JUP: variants seen among roughly 807,000 people sequenced by gnomAD.
JUP encodes catenin (cadherin-associated protein), gamma 80kDa.
In JUP, 28 loss-of-function variants were observed where a neutral mutation model predicts 71.1. The ratio of observed to expected loss-of-function variants is 0.39; its 90% confidence interval spans 0.29 to 0.54. The LOEUF (loss-of-function observed/expected upper bound fraction) is 0.54. JUP is among the 20% of genes least tolerant of loss of function. JUP has a pLI of 0.62. For missense variants in JUP, 869 were observed against 1,030.1 expected (o/e 0.84, Z 2.14); for synonymous variants, 401 against 438.9 (o/e 0.91, Z 1.08).
intron 2 of JUP, 102 bp from the exon 3 acceptor site, chr17:41,769,779 C>A: frequency 1.5e-6 from 2 of 1,331,126 alleles, no homozygotes; most frequent in East Asian, 4.8e-5. Context: ...CTCTGGGCTA[C>A]CTCTTGCCCT....
chr17:41,757,588 G>T, intron 11 of JUP, 46 bp downstream of exon 11: 1 of 1,614,098 alleles, frequency 6.2e-7, no homozygotes, highest in Non-Finnish European at 8.5e-7. Flanking sequence ...AGCCTCCATC[G>T]TGGCTGGGGG....
rs782622653 is a variant in JUP, at chr17:41,757,431, G to A, written c.2030C>T (p.Pro677Leu). Residue 677 changes from proline (P) to leucine (L), a missense_variant, in exon 12 of 14, where the codon CCG (proline) becomes CTG (leucine). By Grantham distance (98) the Pro-to-Leu change is moderately conservative. Transcript: ENST00000393931. ...ELTNSLFKHD[P>L]AAWEAAQSMI... is the part of the protein sequence containing the mutation. ...GATACTCACAGCCTCCCAGGCAGCC[G>A]GGTCATGCTTGAAGAGGGAGTTGGT... 38 of 1,614,120 alleles carry A rather than the reference G, an allele frequency of 2.4e-5. No individual in the cohort carries two copies. Among genetic ancestry groups the A allele is most frequent in the African/African-American group, 1.7e-4 (13 of 74,946 alleles).
chr17:41,774,703 C>G (rs1597845225), intron 1 of JUP, among the ~76,000 whole-genome samples: 1 of 152,258 alleles, frequency 6.6e-6, no homozygotes, highest in South Asian at 2.1e-4. Flanking sequence ...GTGGTAGGAA[C>G]AGCATCCAGT....
intron 1 of JUP, among the ~76,000 whole-genome samples, chr17:41,784,410 C>G (rs1555611209): frequency 6.6e-6 from 1 of 152,120 alleles, no homozygotes; most frequent in Non-Finnish European, 1.5e-5. Flanking sequence ...TCCCCCGCAT[C>G]CCCCAGTCCA....
chr17:41,767,268 G>T, intron 5 of JUP, 111 bp downstream of exon 5: 2 of 827,148 alleles, frequency 2.4e-6, no homozygotes, highest in African/African-American at 1.7e-5. Flanking sequence ...ATGTATATCT[G>T]CACCTATATC....
rs372145644 is a variant in JUP, at chr17:41,769,043, G to A, written c.633C>T (p.Asn211=). The A allele has an allele frequency of 6.2e-5, 100 of 1,613,082 alleles. 1 individual carries two copies. In the African/African-American group the frequency reaches 1.1e-3, roughly 17 times the overall value. Reference sequence around the variant, plus strand: ...GCAGCCCCTCCCGGTGGTGGGAGAGGTTGTGCAGGATGCTGGTGGTGCAGC... The same window carrying A: ...GCAGCCCCTCCCGGTGGTGGGAGAGATTGTGCAGGATGCTGGTGGTGCAGC... ...TARCTTSILH[N]LSHHREGLLA... Residue 211 remains asparagine, a synonymous_variant, in exon 4 of 14, where the codon AAC becomes AAT. Transcript: ENST00000393931.
At position 41,754,982 on chromosome 17, in the gene JUP, G is replaced by A. The variant is rs1222005316; in HGVS notation, c.*762C>T. 1.7e-5 allele frequency: 4 copies of A among 241,286 alleles called. No individual in the cohort carries two copies. The highest frequency in any genetic ancestry group is 1.8e-4 in the South Asian group (1 of 5,598). 14.9% of individuals were successfully genotyped at this position (241,286 alleles called of 1,614,324 possible). Reference sequence around the variant, plus strand: ...TATCTCCTCCCCATCTCCCCTGGACGGTCCCTGAACTTTTCAAGAGAAGTT... The same window carrying A: ...TATCTCCTCCCCATCTCCCCTGGACAGTCCCTGAACTTTTCAAGAGAAGTT... On this transcript the variant is annotated 3_prime_UTR_variant, in exon 14 of 14. Coordinates refer to ENST00000393931, the MANE Select transcript of JUP (RefSeq NM_002230.4).
In JUP at chr17:41,755,689, G is replaced by A; in HGVS notation, c.*55C>T. On this transcript the variant is annotated 3_prime_UTR_variant, in exon 14 of 14. Coordinates refer to ENST00000393931, the MANE Select transcript of JUP (RefSeq NM_002230.4). ...ATGGGAGGGCCTCCAACAGAAGGAG[G>A]TTCTAGAGAGGAGGAAAAGCCTGCA... is the stretch of plus-strand genomic sequence containing the variant. The A allele has an allele frequency of 6.7e-7, 1 of 1,491,484 alleles. No individual in the cohort carries two copies. Among genetic ancestry groups the A allele is most frequent in the African/African-American group, 1.4e-5 (1 of 71,914 alleles). 92.4% of individuals were successfully genotyped at this position (1,491,484 alleles called of 1,614,324 possible).
intron 5 of JUP, among the ~76,000 whole-genome samples, 200 bp downstream of exon 5, chr17:41,767,177 TGG>T (rs1915867120): frequency 1.3e-5 from 2 of 152,042 alleles, no homozygotes; most frequent in Non-Finnish European, 2.9e-5. Flanking sequence ...ATGACAATAG[TGG>T]CTATATGAGG....
chr17:41,755,035 C>T lies in JUP; in HGVS notation c.*709G>A. On this transcript the variant is annotated 3_prime_UTR_variant, in exon 14 of 14. Transcript: ENST00000393931. Reference sequence around the variant, plus strand: ...GGATTTTGGGGGTTTGGGTCTCGAACCTGGGCCCTGGAGGCCCTGGGGGCT... The same window carrying T: ...GGATTTTGGGGGTTTGGGTCTCGAATCTGGGCCCTGGAGGCCCTGGGGGCT... 2.7e-6 allele frequency: 1 copy of T among 364,268 alleles called. No individual in the cohort carries two copies. Among genetic ancestry groups the T allele is most frequent in the Non-Finnish European group, 4.9e-6 (1 of 204,690 alleles). The allele number at this position is 364,268 out of a possible 1,614,324, so 22.6% of individuals were successfully genotyped here.
chr17:41,769,326 C>T (rs781860817), intron 3 of JUP, 92 bp downstream of exon 3: 190 of 1,565,720 alleles, frequency 1.2e-4, no homozygotes, highest in Non-Finnish European at 1.6e-4. Flanking sequence ...TGGGTCATAA[C>T]CTCCCTCCAC....
chr17:41,775,105 CAAA>C (rs782000280), intron 1 of JUP, among the ~76,000 whole-genome samples: 11 of 126,180 alleles, frequency 8.7e-5, no homozygotes, highest in African/African-American at 1.8e-4. Context: ...GACCCTGTCT[CAAA>C]AAAAAAAAAA....
intron 1 of JUP, among the ~76,000 whole-genome samples, chr17:41,775,071 T>G (rs1883548459): frequency 6.6e-6 from 1 of 151,058 alleles, no homozygotes; most frequent in Admixed American, 6.6e-5. Flanking sequence ...CCACTGCACT[T>G]CAGCCTGGCT....
intron 5 of JUP, among the ~76,000 whole-genome samples, 200 bp from the exon 6 acceptor site, chr17:41,765,267 C>T (rs1304260867): frequency 6.6e-6 from 1 of 152,068 alleles, no homozygotes; most frequent in Non-Finnish European, 1.5e-5. Flanking sequence ...AACTCCTGGC[C>T]TCAAGTGATC....
chr17:41,759,926 TG>T (rs572371223), intron 8 of JUP, among the ~76,000 whole-genome samples: 128 of 152,036 alleles, frequency 8.4e-4, no homozygotes, highest in African/African-American at 3.0e-3. Context: ...TTTAATTCAA[TG>T]TATAGGCCGG....
chr17:41,759,072 CT>C (rs11404112), intron 8 of JUP, among the ~76,000 whole-genome samples: 203 of 131,074 alleles, frequency 1.5e-3, no homozygotes, highest in Admixed American at 2.8e-3. Context: ...ATGGCTAATT[CT>C]TTTTTTTTTT....
chr17:41,765,190 T>C (rs1373330727), intron 5 of JUP, 123 bp from the exon 6 acceptor site: 1 of 957,380 alleles, frequency 1.0e-6, no homozygotes, highest in African/African-American at 1.7e-5. Flanking sequence ...GTTCGTTTTT[T>C]TCTTTTAATG....
intron 1 of JUP, chr17:41,775,945 C>T (rs1223225137): frequency 2.0e-6 from 2 of 984,662 alleles, no homozygotes; most frequent in Admixed American, 1.2e-4. Context: ...GAGTGTGGCC[C>T]AGCCCTGACA....
chr17:41,776,246 G>A (rs1446126242), intron 1 of JUP, among the ~76,000 whole-genome samples: 4 of 152,240 alleles, frequency 2.6e-5, no homozygotes, highest in Non-Finnish European at 4.4e-5. Context: ...CTCAGACAGC[G>A]ACAGGGTGAG....
Sources: allele counts gnomAD v4.1 joint callset (sites outside exome capture counted in the v4.1 genomes callset), GRCh38; gene constraint gnomAD v4.1.1; transcripts MANE v1.5; gene names NCBI Gene and HGNC (gene_info 2026-07-23, HGNC 2026-07-21).